The following SPTBN1 variants were observed in gnomAD, a reference collection of about 807,000 sequenced individuals.
SPTBN1 encodes spectrin beta, non-erythrocytic 1, also known as spectrin beta chain, non-erythrocytic 1.
In SPTBN1, 32 loss-of-function variants were observed where a neutral mutation model predicts 266.4. That is an observed-to-expected ratio of 0.12 (90% CI 0.09 to 0.16). SPTBN1 has a LOEUF of 0.16. Among genes scored for constraint, SPTBN1 ranks in the 10% least tolerant of loss-of-function variants. The probability of loss-of-function intolerance (pLI) is 1.00; values close to 1 mark genes in which losing one functional copy is unlikely to be tolerated. For missense variants in SPTBN1, 2,296 were observed against 3,067.1 expected, an observed-to-expected ratio of 0.75 and a Z score of 5.94; for synonymous variants, 1,336 against 1,162.2, an observed-to-expected ratio of 1.15 and a Z score of -3.04.
intron 2 of SPTBN1, among the ~76,000 whole-genome samples, chr2:54,572,085 CT>C (rs1674123407): frequency 2.0e-5 from 1 of 49,294 alleles, no homozygotes; most frequent in African/African-American, 8.2e-5. Flanking sequence ...CCCTAGGACT[CT>C]GCTGGGTGCT....
chr2:54,639,169 C>G (rs949612628), intron 18 of SPTBN1, among the ~76,000 whole-genome samples: 1 of 152,240 alleles, frequency 6.6e-6, no homozygotes, highest in African/African-American at 2.4e-5. Context: ...CTTACAGAGG[C>G]ATTCATGTGC....
chr2:54,629,666 A>G lies in SPTBN1; in HGVS notation c.2532A>G (p.Ala844=), dbSNP rs761905565. The G allele has an allele frequency of 2.5e-6, 4 of 1,613,678 alleles. No individual in the cohort carries two copies. The highest frequency in any genetic ancestry group is 1.7e-5 in the Admixed American group (1 of 60,012). ...VAELTRLRKQ[A]LQDTLALYKM... ...AGCTGACGCGGCTGCGGAAGCAGGC[A>G]CTCCAGGACACTCTGGCCCTGTACA... Residue 844 remains alanine (A), a synonymous_variant, in exon 14 of 36, where the codon GCA becomes GCG. Coordinates refer to ENST00000356805, the MANE Select transcript of SPTBN1 (RefSeq NM_003128.3).
rs1681575443 is a variant in SPTBN1 at position 54,669,089 on chromosome 2, A to T, written c.*520A>T. The T allele has an allele frequency of 6.2e-6, 1 of 162,228 alleles. No homozygotes were observed. The highest frequency in any genetic ancestry group is 1.4e-5 in the Non-Finnish European group (1 of 73,720). The allele number at this position is 162,228 out of a possible 1,614,324, so 10.0% of individuals were successfully genotyped here. A position where few individuals can be genotyped will look rare whatever the true frequency, so the allele number is the denominator to read the frequency against. Reference sequence around the variant, plus strand: ...TGCTGCAGCCACAGTGCAGCTCCACATTAACTCTACAGACCAAACCATTTG... The same window carrying T: ...TGCTGCAGCCACAGTGCAGCTCCACTTTAACTCTACAGACCAAACCATTTG... On this transcript the variant is annotated 3_prime_UTR_variant, in exon 36 of 36. Coordinates refer to ENST00000356805, the MANE Select transcript of SPTBN1 (RefSeq NM_003128.3).
chr2:54,619,859 C>A (rs1677878376), intron 7 of SPTBN1, among the ~76,000 whole-genome samples: 1 of 152,110 alleles, frequency 6.6e-6, no homozygotes, highest in South Asian at 2.1e-4. Context: ...AGGGAGCATG[C>A]CAGCAGTGTG....
intron 3 of SPTBN1, among the ~76,000 whole-genome samples, chr2:54,611,891 C>T (rs1246551505): frequency 1.3e-5 from 2 of 152,184 alleles, no homozygotes; most frequent in Non-Finnish European, 2.9e-5. Flanking sequence ...TTCTCTCTTC[C>T]CTGAACTTAA....
chr2:54,623,313 G>A (rs1042754314), intron 9 of SPTBN1, among the ~76,000 whole-genome samples, 166 bp from the exon 10 acceptor site: 2 of 152,156 alleles, frequency 1.3e-5, no homozygotes, highest in African/African-American at 4.8e-5. Flanking sequence ...GAAATTCCAC[G>A]GTTTGGTATG....
chr2:54,612,778 G>T (rs929976026), intron 4 of SPTBN1, among the ~76,000 whole-genome samples: 4 of 151,576 alleles, frequency 2.6e-5, no homozygotes, highest in Non-Finnish European at 5.9e-5. Context: ...GCTGTTGAGG[G>T]TTATGGCATG....
At chr2:54,485,382 A>T (rs138547402) in intron 1 of SPTBN1, among the ~76,000 whole-genome samples, 4,614 of 152,254 alleles carry the variant, frequency 0.03, 226 homozygotes, top group African/African-American at 0.1. Flanking sequence ...TGGTGGAGAC[A>T]GGGTTTCACT....
chr2:54,624,266 C>T (rs1011164997), intron 10 of SPTBN1, among the ~76,000 whole-genome samples: 3 of 152,112 alleles, frequency 2.0e-5, no homozygotes, highest in Non-Finnish European at 4.4e-5. Flanking sequence ...TGAGCCACTG[C>T]GTCTGGCCCC....
chr2:54,647,277 T>A lies in SPTBN1; in HGVS notation c.4997+16T>A. 1.2e-6 allele frequency: 2 copies of A among 1,613,154 alleles called. No homozygotes were observed. ...ATCCTGAAAGGTGAGCGCTGCTTCA[T>A]GAGTGTGAGACCCGGCTCTCGATTC... On this transcript the variant is annotated intron_variant, in intron 24 of 35. Coordinates refer to ENST00000356805, the MANE Select transcript of SPTBN1 (RefSeq NM_003128.3).
At position 54,669,117 on chromosome 2, in the gene SPTBN1, T is replaced by C. The variant is rs1681577350; in HGVS notation, c.*548T>C. The stretch of plus-strand genomic sequence containing the variant: ...AACTCTACAGACCAAACCATTTGTA[T>C]CTGGCATCACTTACTAACACACGAC... On this transcript the variant is annotated 3_prime_UTR_variant, in exon 36 of 36. Coordinates refer to ENST00000356805, the MANE Select transcript of SPTBN1 (RefSeq NM_003128.3). 1 of 154,028 alleles carries C rather than the reference T, an allele frequency of 6.5e-6. No homozygotes were observed. The highest frequency in any genetic ancestry group is 2.4e-5 in the African/African-American group (1 of 41,448). 9.5% of individuals were successfully genotyped at this position (154,028 alleles called of 1,614,324 possible). A position where few individuals can be genotyped will look rare whatever the true frequency, so the allele number is the denominator to read the frequency against.
At chr2:54,655,796 A>G (rs919181211) in intron 28 of SPTBN1, 118 bp from the exon 29 acceptor site, 21 of 693,786 alleles carry the variant, frequency 3.0e-5, no homozygotes, top group Non-Finnish European at 3.0e-5. Flanking sequence ...GTCCTTAGAT[A>G]TCTCCCAGCT....
intron 3 of SPTBN1, among the ~76,000 whole-genome samples, chr2:54,604,568 T>C (rs552964012): frequency 6.6e-6 from 1 of 152,250 alleles, no homozygotes; most frequent in East Asian, 1.9e-4. Context: ...GCGAAGGAAT[T>C]GCCCAAGGCC....
At chr2:54,486,236 G>C (rs1292676317) in intron 1 of SPTBN1, among the ~76,000 whole-genome samples, 1 of 152,154 alleles carries the variant, frequency 6.6e-6, no homozygotes, top group Non-Finnish European at 1.5e-5. Context: ...ACAGCTCATT[G>C]AGAACGGGCC....
intron 1 of SPTBN1, among the ~76,000 whole-genome samples, chr2:54,525,816 C>T (rs1052775053): frequency 5.9e-5 from 9 of 152,170 alleles, no homozygotes; most frequent in African/African-American, 1.4e-4. Context: ...CTACAACCTC[C>T]GCCTCCCAGA....
intron 2 of SPTBN1, among the ~76,000 whole-genome samples, chr2:54,567,775 C>G (rs1219587365): frequency 6.6e-6 from 1 of 152,008 alleles, no homozygotes; most frequent in Non-Finnish European, 1.5e-5. Context: ...CTGAGGCATG[C>G]TTTATTCTCT....
intron 35 of SPTBN1, among the ~76,000 whole-genome samples, chr2:54,667,865 C>A (rs1681467011): frequency 6.6e-6 from 1 of 152,090 alleles, no homozygotes; most frequent in African/African-American, 2.4e-5. Flanking sequence ...CCCTTAAAGT[C>A]GATGGAATCT....
At chr2:54,510,044 C>T (rs1326410643) in intron 1 of SPTBN1, among the ~76,000 whole-genome samples, 6 of 151,400 alleles carry the variant, frequency 4.0e-5, no homozygotes, top group South Asian at 2.1e-4. Flanking sequence ...CTGCAACCTC[C>T]GCCTCCCAGG....
chr2:54,642,535 T>TTTG (rs751286631), intron 18 of SPTBN1, among the ~76,000 whole-genome samples: 6 of 151,110 alleles, frequency 4.0e-5, no homozygotes, highest in Admixed American at 2.0e-4. Flanking sequence ...AGTAGTTTTT[T>TTTG]TTTTTTTTTT....
Sources: gnomAD v4.1 joint callset for allele counts (sites outside exome capture counted in the v4.1 genomes callset) on GRCh38, gnomAD v4.1.1 for gene constraint, MANE v1.5 for transcripts, NCBI Gene and HGNC (gene_info 2026-07-23, HGNC 2026-07-21) for gene names.